SNX29: variants seen among roughly 807,000 people sequenced by gnomAD.
SNX29 encodes sorting nexin-29.
A neutral mutation model predicts 102.1 loss-of-function variants in SNX29; 78 were observed. That is an observed-to-expected ratio of 0.76 (90% confidence interval 0.64 to 0.92). SNX29 has a LOEUF of 0.92. Ranked by LOEUF, SNX29 falls within the 40% of genes least tolerant of loss-of-function variation. The pLI, the probability that SNX29 is intolerant of heterozygous loss-of-function variation, is 0.00. For synonymous variants in SNX29, 580 were observed against 414.5 expected, an observed-to-expected ratio of 1.40 and a Z score of -4.85; for missense variants, 1,280 against 1,061.7, an observed-to-expected ratio of 1.21 and a Z score of -2.86.
intron 18 of SNX29, among the ~76,000 whole-genome samples, chr16:12,406,099 T>C (rs2084151992): frequency 6.6e-6 from 1 of 151,374 alleles, no homozygotes; most frequent in Admixed American, 6.6e-5. Context: ...GAGAAACGTC[T>C]AAAAAAGAAT....
At chr16:12,057,501 A>C (rs928652235) in intron 8 of SNX29, among the ~76,000 whole-genome samples, 1 of 152,188 alleles carries the variant, frequency 6.6e-6, no homozygotes, top group Non-Finnish European at 1.5e-5. Flanking sequence ...ACAAACTGGC[A>C]TGAACTTAAG....
At position 12,426,464 on chromosome 16, in the gene SNX29, A is replaced by AG. The variant is rs770892747; in HGVS notation, c.2037+22938dup. Among the ~76,000 whole-genome samples, 4 of 152,310 alleles carry AG rather than the reference A, an allele frequency of 2.6e-5. No individual in the cohort carries two copies. In the South Asian group the frequency reaches 8.3e-4, roughly 32 times the overall value. The stretch of plus-strand genomic sequence containing the variant: ...GAGCCGGAAAGTATAATCCTCTCAC[A>AG]GGGAGGAGCCCTGCAGGAGGGTAAT... On this transcript the variant is annotated intron_variant, in intron 18 of 20. Coordinates refer to ENST00000566228, the MANE Select transcript of SNX29 (RefSeq NM_032167.5).
chr16:12,382,933 C>G (rs1431990071), intron 16 of SNX29, among the ~76,000 whole-genome samples: 3 of 152,102 alleles, frequency 2.0e-5, no homozygotes. Context: ...GTTCTCATCT[C>G]AAGAGTCTGA....
chr16:12,417,388 C>T (rs2084680082), intron 18 of SNX29, among the ~76,000 whole-genome samples: 2 of 152,154 alleles, frequency 1.3e-5, no homozygotes, highest in African/African-American at 4.8e-5. Flanking sequence ...CACCTGGTCT[C>T]CCAGCATCTG....
chr16:12,245,170 A>T (rs1003903943), intron 14 of SNX29, among the ~76,000 whole-genome samples: 1 of 152,158 alleles, frequency 6.6e-6, no homozygotes, highest in African/African-American at 2.4e-5. Context: ...GGTTGAGAGC[A>T]TATGCTCTGA....
intron 19 of SNX29, among the ~76,000 whole-genome samples, chr16:12,484,629 A>T (rs1247618558): frequency 6.6e-6 from 1 of 151,676 alleles, no homozygotes; most frequent in Non-Finnish European, 1.5e-5. Context: ...AGACATCTAC[A>T]CTGATCTCAC....
chr16:12,166,439 G>C (rs540068434), intron 13 of SNX29, among the ~76,000 whole-genome samples: 1 of 152,222 alleles, frequency 6.6e-6, no homozygotes, highest in Non-Finnish European at 1.5e-5. Context: ...GGCTAGCCAG[G>C]TTAACATGGT....
intron 15 of SNX29, among the ~76,000 whole-genome samples, chr16:12,328,099 G>T (rs181153433): frequency 1.9e-4 from 29 of 152,284 alleles, no homozygotes; most frequent in Non-Finnish European, 1.0e-4. Flanking sequence ...GTAAAATGGA[G>T]CTGCACATAC....
chr16:12,030,673 C>G (rs1024898399), intron 4 of SNX29, among the ~76,000 whole-genome samples: 2 of 152,194 alleles, frequency 1.3e-5, no homozygotes, highest in Non-Finnish European at 2.9e-5. Context: ...TAATGACCAT[C>G]CCACTCCCCC....
intron 15 of SNX29, among the ~76,000 whole-genome samples, chr16:12,344,079 C>T (rs1337099686): frequency 6.6e-6 from 1 of 152,152 alleles, no homozygotes; most frequent in African/African-American, 2.4e-5. Context: ...TTTCTCTTGG[C>T]TCTCATTCAC....
At chr16:12,438,940 T>C (rs567997221) in intron 18 of SNX29, among the ~76,000 whole-genome samples, 1 of 152,084 alleles carries the variant, frequency 6.6e-6, no homozygotes, top group South Asian at 2.1e-4. Context: ...AGGGGGAGAA[T>C]GATGTAAGGT....
chr16:12,017,692 C>T (rs776124207), intron 3 of SNX29, among the ~76,000 whole-genome samples: 9 of 151,946 alleles, frequency 5.9e-5, no homozygotes, highest in Non-Finnish European at 1.2e-4. Flanking sequence ...TGATCTTGAC[C>T]CATCTGGAAT....
intron 14 of SNX29, among the ~76,000 whole-genome samples, chr16:12,270,782 C>T (rs1179747654): frequency 6.6e-6 from 1 of 152,080 alleles, no homozygotes; most frequent in African/African-American, 2.4e-5. Flanking sequence ...TGGCTCATGT[C>T]AGTAATCCCA....
At chr16:12,562,242 G>A (rs557738438) in intron 20 of SNX29, among the ~76,000 whole-genome samples, 8 of 152,238 alleles carry the variant, frequency 5.3e-5, no homozygotes, top group African/African-American at 9.6e-5. Context: ...AGTGAAGGGC[G>A]AGGGCATTCA....
At chr16:12,525,190 G>C (rs2141132429) in intron 20 of SNX29, among the ~76,000 whole-genome samples, 1 of 152,246 alleles carries the variant, frequency 6.6e-6, no homozygotes, top group East Asian at 1.9e-4. Flanking sequence ...TTGTGTCAGT[G>C]TTTCTCAAGC....
intron 18 of SNX29, among the ~76,000 whole-genome samples, chr16:12,417,820 A>C (rs1412044545): frequency 6.6e-6 from 1 of 151,928 alleles, no homozygotes; most frequent in Non-Finnish European, 1.5e-5. Flanking sequence ...TGTGGAGAGG[A>C]AATTCATAAT....
chr16:12,307,493 A>T (rs1030990846), intron 15 of SNX29, among the ~76,000 whole-genome samples: 1 of 152,212 alleles, frequency 6.6e-6, no homozygotes, highest in Non-Finnish European at 1.5e-5. Context: ...GGATGCTTTC[A>T]TGCAGGGCTG....
chr16:12,062,406 A>AAATC (rs1442066553), intron 9 of SNX29, among the ~76,000 whole-genome samples: 2 of 151,476 alleles, frequency 1.3e-5, no homozygotes, highest in African/African-American at 2.4e-5. Flanking sequence ...ATAAATAAAT[A>AAATC]AATAAATAAA....
intron 1 of SNX29, among the ~76,000 whole-genome samples, chr16:11,986,852 G>A (rs959171798): frequency 6.6e-6 from 1 of 152,270 alleles, no homozygotes. Flanking sequence ...GTGAAAGGAC[G>A]TGGCTGTGTT....
Sources: allele counts gnomAD v4.1 joint callset (sites outside exome capture counted in the v4.1 genomes callset), GRCh38; gene constraint gnomAD v4.1.1; transcripts MANE v1.5; gene names NCBI Gene and HGNC (gene_info 2026-07-23, HGNC 2026-07-21).